Variants in SPATA1 observed in about 807,000 individuals in gnomAD.
SPATA1 encodes spermatogenesis-associated protein 1.
Under a neutral mutation model 59.6 loss-of-function variants are expected in SPATA1, and 57 were observed. The ratio of observed to expected loss-of-function variants is 0.96; its 90% confidence interval spans 0.77 to 1.19. The LOEUF (loss-of-function observed/expected upper bound fraction) is 1.19. SPATA1 is among the 50% of genes most tolerant of loss of function. The probability of loss-of-function intolerance (pLI) is 0.00; values close to 1 mark genes in which losing one functional copy is unlikely to be tolerated. For synonymous variants in SPATA1, 147 were observed against 163.9 expected, an observed-to-expected ratio of 0.90 and a Z score of 0.79; for missense variants, 448 against 480.7, an observed-to-expected ratio of 0.93 and a Z score of 0.64.
At chr1:84,530,494 TAGGTAATGGGAAGCAATCTGA>T (rs1290263842) in intron 6 of SPATA1, among the ~76,000 whole-genome samples, 3 of 152,024 alleles carry the variant, frequency 2.0e-5, no homozygotes, top group Non-Finnish European at 4.4e-5. Flanking sequence ...AAGAGTTTAG[TAGGTAATGGGAAGCAATCTGA>T]AGTTTTTAAC....
chr1:84,562,365 C>G (rs1168281585), intron 4 of SPATA1, among the ~76,000 whole-genome samples: 1 of 151,502 alleles, frequency 6.6e-6, no homozygotes, highest in Non-Finnish European at 1.5e-5. Context: ...ACTTTCAGTT[C>G]CAAAGTTTAG....
chr1:84,564,165 A>C (rs1443444677), intron 4 of SPATA1, among the ~76,000 whole-genome samples: 3 of 152,218 alleles, frequency 2.0e-5, no homozygotes, highest in Non-Finnish European at 4.4e-5. Flanking sequence ...TATACTTGAT[A>C]CTCTAGATTC....
intron 9 of SPATA1, among the ~76,000 whole-genome samples, chr1:84,544,870 T>C (rs1280914096): frequency 6.6e-6 from 1 of 151,954 alleles, no homozygotes; most frequent in Non-Finnish European, 1.5e-5. Context: ...CCAGGGATTT[T>C]ATATTTATTA....
At chr1:84,557,308 G>C (rs1684463842), downstream of SPATA1, among the ~76,000 whole-genome samples, 1 of 151,986 alleles carries the variant, frequency 6.6e-6, no homozygotes, top group Non-Finnish European at 1.5e-5. Context: ...CAAGATGGGT[G>C]AATCACCTGA....
intron 4 of SPATA1, chr1:84,563,934 C>T: frequency 1.5e-6 from 2 of 1,320,290 alleles, no homozygotes; most frequent in Non-Finnish European, 2.0e-6. Flanking sequence ...AAAACAAGTA[C>T]ATTTATAAAA....
At chr1:84,528,745 G>A (rs1184988054) in intron 6 of SPATA1, among the ~76,000 whole-genome samples, 5 of 152,150 alleles carry the variant, frequency 3.3e-5, no homozygotes, top group Admixed American at 6.5e-5. Context: ...TCATGTTCAC[G>A]TACATGTTCA....
At chr1:84,515,420 T>C (rs1421131821) in intron 1 of SPATA1, among the ~76,000 whole-genome samples, 1 of 152,108 alleles carries the variant, frequency 6.6e-6, no homozygotes, top group African/African-American at 2.4e-5. Flanking sequence ...TTTGTAGAGC[T>C]GTAATCAGTT....
intron 8 of SPATA1, among the ~76,000 whole-genome samples, chr1:84,540,495 A>G (rs933809294): frequency 1.3e-5 from 2 of 151,934 alleles, no homozygotes; most frequent in African/African-American, 2.4e-5. Context: ...AACTTGTTCT[A>G]CTTTCACTTT....
At position 84,543,044 on chromosome 1, in the gene SPATA1, T is replaced by C. The variant is rs187255532; in HGVS notation, c.718-1158T>C. Among the ~76,000 whole-genome samples, 7 of 152,174 alleles carry C rather than the reference T, an allele frequency of 4.6e-5. No individual in the cohort carries two copies. The East Asian group carries it at 1.4e-3, about 29-fold the overall frequency. ...AAACAATAATAATAAAATAGAACAA[T>C]TATAACAATATACTATAATAAAAGT... On this transcript the variant is annotated intron_variant, in intron 8 of 12. Transcript: ENST00000490879.
At chr1:84,537,940 T>C (rs77750984) in intron 8 of SPATA1, among the ~76,000 whole-genome samples, 4,156 of 152,312 alleles carry the variant, frequency 0.027, 203 homozygotes, top group African/African-American at 0.095. Flanking sequence ...GCCTCCCTGA[T>C]GCTTGCAGCA....
chr1:84,556,128 C>A (rs974119165), downstream of SPATA1: 5 of 152,072 alleles, frequency 3.3e-5, no homozygotes, highest in Non-Finnish European at 7.3e-5. Context: ...CACCTTCCAC[C>A]CTAAAAAGTC....
At chr1:84,510,593 A>G (rs114193420) in intron 1 of SPATA1, among the ~76,000 whole-genome samples, 5,057 of 152,318 alleles carry the variant, frequency 0.033, 142 homozygotes, top group Middle Eastern at 0.075. Flanking sequence ...TATGGAGACC[A>G]ACTTGGAGGT....
chr1:84,566,648 G>A (rs747411741), downstream of SPATA1, among the ~76,000 whole-genome samples: 3 of 151,868 alleles, frequency 2.0e-5, no homozygotes, highest in Non-Finnish European at 4.4e-5. Context: ...TTCTTTTTTG[G>A]GGGGGATGGA....
chr1:84,519,771 A>G (rs187394228), intron 2 of SPATA1, among the ~76,000 whole-genome samples: 7 of 152,294 alleles, frequency 4.6e-5, no homozygotes, highest in Admixed American at 4.6e-4. Context: ...TTTATCTCCT[A>G]TGAAATTACT....
intron 6 of SPATA1, among the ~76,000 whole-genome samples, chr1:84,530,829 C>T (rs1683436921): frequency 6.6e-6 from 1 of 152,212 alleles, no homozygotes; most frequent in Non-Finnish European, 1.5e-5. Context: ...CTGATCTTTT[C>T]ATTATGGATA....
At chr1:84,516,200 T>G in intron 1 of SPATA1, 23 bp from the exon 2 acceptor site, 1 of 565,512 alleles carries the variant, frequency 1.8e-6, no homozygotes, top group Non-Finnish European at 3.0e-6. Context: ...TGTGTTTTCC[T>G]TTTTATTTCT....
chr1:84,555,313 A>C (rs1264884610), downstream of SPATA1: 2 of 714,110 alleles, frequency 2.8e-6, no homozygotes, highest in African/African-American at 3.6e-5. Context: ...AAGTTTCCTA[A>C]ATCCAATTAT....
intron 6 of SPATA1, among the ~76,000 whole-genome samples, chr1:84,531,433 G>A (rs528547459): frequency 2.0e-5 from 3 of 152,136 alleles, no homozygotes; most frequent in African/African-American, 7.2e-5. Flanking sequence ...AAAGTCCTGG[G>A]ATTACAGACA....
chr1:84,550,483 A>G (rs1447290671), exon 12 of SPATA1: 4 of 1,571,770 alleles, frequency 2.5e-6, no homozygotes, highest in Non-Finnish European at 3.5e-6. Flanking sequence ...TGACCAGCTT[A>G]AGAGAAAACT....
Sources: gnomAD v4.1 joint callset for allele counts (sites outside exome capture counted in the v4.1 genomes callset) on GRCh38, gnomAD v4.1.1 for gene constraint, MANE v1.5 for transcripts, NCBI Gene and HGNC (gene_info 2026-07-23, HGNC 2026-07-21) for gene names.